The following CPPED1 variants were observed in gnomAD, a reference collection of about 807,000 sequenced individuals.
The protein encoded by CPPED1 is serine/threonine-protein phosphatase CPPED1.
A neutral mutation model predicts 28.0 loss-of-function variants in CPPED1; 28 were observed. The observed-to-expected ratio is 1.00, with a 90% CI of 0.74 to 1.37. The LOEUF is 1.37. Ranked by LOEUF, CPPED1 falls within the 40% of genes most tolerant of loss-of-function variation. The pLI is 0.00. For missense variants in CPPED1, 504 were observed against 416.5 expected, an observed-to-expected ratio of 1.21 and a Z score of -1.83; for synonymous variants, 198 against 180.2, an observed-to-expected ratio of 1.10 and a Z score of -0.79.
chr16:12,694,056 A>T (rs1432092479), intron 3 of CPPED1, among the ~76,000 whole-genome samples: 1 of 152,116 alleles, frequency 6.6e-6, no homozygotes, highest in Non-Finnish European at 1.5e-5. Flanking sequence ...AAATACAAAA[A>T]TTAGCCAAGT....
At chr16:12,789,260 C>G (rs2080582011) in intron 1 of CPPED1, among the ~76,000 whole-genome samples, 1 of 152,158 alleles carries the variant, frequency 6.6e-6, no homozygotes, top group Admixed American at 6.5e-5. Context: ...CTGCTGTTGG[C>G]ATCTGCAATG....
intron 2 of CPPED1, among the ~76,000 whole-genome samples, chr16:12,714,436 ATCC>A (rs2080096541): frequency 6.6e-6 from 1 of 152,230 alleles, no homozygotes; most frequent in African/African-American, 2.4e-5. Context: ...ATGTTTCCAC[ATCC>A]TCAACACTTG....
chr16:12,667,145 C>T (rs1596436795), intron 3 of CPPED1, among the ~76,000 whole-genome samples: 1 of 152,064 alleles, frequency 6.6e-6, no homozygotes, highest in African/African-American at 2.4e-5. Flanking sequence ...ACAAAAAAAA[C>T]ACCCCTTACT....
At chr16:12,728,233 TAA>T (rs1256147872) in intron 2 of CPPED1, among the ~76,000 whole-genome samples, 1 of 152,044 alleles carries the variant, frequency 6.6e-6, no homozygotes, top group Non-Finnish European at 1.5e-5. Context: ...GAATTCAGTG[TAA>T]GAGAGGGGAG....
At chr16:12,722,130 C>G (rs2080144436) in intron 2 of CPPED1, among the ~76,000 whole-genome samples, 2 of 152,212 alleles carry the variant, frequency 1.3e-5, no homozygotes, top group African/African-American at 2.4e-5. Context: ...ATGATACACT[C>G]AGCCACTGCT....
chr16:12,739,417 T>C (rs2080242945), intron 2 of CPPED1, among the ~76,000 whole-genome samples: 1 of 152,050 alleles, frequency 6.6e-6, no homozygotes, highest in East Asian at 1.9e-4. Flanking sequence ...CTGTCTCTAC[T>C]AAAAATACAA....
rs1034631750 is a variant in CPPED1 at position 12,662,768 on chromosome 16, A to C, written c.*2118T>G. ...TATGTATACATACCACATGTTCTTT[A>C]TCCAATCATCTGTTGATGTGATTCC... is the stretch of plus-strand genomic sequence containing the variant. On this transcript the variant is annotated 3_prime_UTR_variant, in exon 4 of 4. Coordinates refer to ENST00000381774, the MANE Select transcript of CPPED1 (RefSeq NM_018340.3). 16 of 152,168 alleles carry C rather than the reference A, an allele frequency of 1.1e-4. No individual in the cohort carries two copies. The highest frequency in any genetic ancestry group is 3.9e-4 in the African/African-American group (16 of 41,442). 9.4% of individuals were successfully genotyped at this position (152,168 alleles called of 1,614,324 possible). A position where few individuals can be genotyped will look rare whatever the true frequency, so the allele number is the denominator to read the frequency against.
At chr16:12,699,974 C>T (rs1390785863) in intron 3 of CPPED1, among the ~76,000 whole-genome samples, 6 of 152,174 alleles carry the variant, frequency 3.9e-5, no homozygotes, top group Admixed American at 6.6e-5. Context: ...GTCATGGATG[C>T]GTACAGCCAA....
rs187970888 is a variant in CPPED1 at position 12,701,272 on chromosome 16, G to A, written c.715+3352C>T. ...AGGCCGGGTGTGGTGGCTCACACCCGTAATTCCAGCACTTTGGGAGGCTGA... is the reference window on the plus strand; with the variant it reads ...AGGCCGGGTGTGGTGGCTCACACCCATAATTCCAGCACTTTGGGAGGCTGA... On this transcript the variant is annotated intron_variant, in intron 3 of 3. Coordinates refer to ENST00000381774, the MANE Select transcript of CPPED1 (RefSeq NM_018340.3). 2.0e-5 allele frequency among the ~76,000 whole-genome samples: 3 copies of A among 152,106 alleles called. No individual in the cohort carries two copies. The East Asian group carries it at 5.8e-4, about 29-fold the overall frequency.
intron 2 of CPPED1, among the ~76,000 whole-genome samples, chr16:12,759,061 G>A (rs1159160314): frequency 6.7e-6 from 1 of 150,368 alleles, no homozygotes; most frequent in African/African-American, 2.4e-5. Flanking sequence ...TACTCAGGGG[G>A]CTAGGGTAGC....
At chr16:12,674,186 GA>G (rs917203514) in intron 3 of CPPED1, among the ~76,000 whole-genome samples, 3 of 152,128 alleles carry the variant, frequency 2.0e-5, no homozygotes, top group Non-Finnish European at 4.4e-5. Flanking sequence ...GGTCCTGCAT[GA>G]AAAAAATGAA....
In CPPED1 at chr16:12,663,806, T is replaced by C. The variant is rs2079809991; in HGVS notation, c.*1080A>G. The C allele has an allele frequency of 6.6e-6, 1 of 152,196 alleles. No individual in the cohort carries two copies. Among genetic ancestry groups the C allele is most frequent in the Admixed American group, 6.5e-5 (1 of 15,280 alleles). The allele number at this position is 152,196 out of a possible 1,614,324, so 9.4% of individuals were successfully genotyped here. ...GTTATTTGTCCACCAGAACAATGGCTGTAAAGGAGAAAATTGAGCAGTGGT... is the reference window on the plus strand; with the variant it reads ...GTTATTTGTCCACCAGAACAATGGCCGTAAAGGAGAAAATTGAGCAGTGGT... On this transcript the variant is annotated 3_prime_UTR_variant, in exon 4 of 4. Transcript: ENST00000381774.
intron 2 of CPPED1, among the ~76,000 whole-genome samples, chr16:12,775,317 G>A (rs2080491517): frequency 6.6e-6 from 1 of 152,128 alleles, no homozygotes; most frequent in South Asian, 2.1e-4. Flanking sequence ...AAACGACCCA[G>A]TTCCAGATAT....
At chr16:12,692,798 T>C (rs1255103818) in intron 3 of CPPED1, among the ~76,000 whole-genome samples, 3 of 151,832 alleles carry the variant, frequency 2.0e-5, no homozygotes, top group Non-Finnish European at 4.4e-5. Context: ...CATGGAGGAG[T>C]GAGATCAGAG....
intron 2 of CPPED1, among the ~76,000 whole-genome samples, chr16:12,713,589 G>C (rs373696680): frequency 1.4e-4 from 22 of 152,158 alleles, no homozygotes; most frequent in African/African-American, 5.1e-4. Context: ...TTGAACTCCT[G>C]ATCTCAGGTG....
At chr16:12,675,679 G>A (rs1051702428) in intron 3 of CPPED1, among the ~76,000 whole-genome samples, 1 of 152,170 alleles carries the variant, frequency 6.6e-6, no homozygotes, top group African/African-American at 2.4e-5. Context: ...ATTCCAACTG[G>A]ACAGCCTTTA....
chr16:12,688,277 G>T (rs1441591951), intron 3 of CPPED1, among the ~76,000 whole-genome samples: 1 of 148,606 alleles, frequency 6.7e-6, no homozygotes, highest in Non-Finnish European at 1.5e-5. Flanking sequence ...TATGGGGAGA[G>T]AAATTTAAGT....
chr16:12,711,492 T>C (rs907204682), intron 2 of CPPED1, among the ~76,000 whole-genome samples: 2 of 152,180 alleles, frequency 1.3e-5, no homozygotes, highest in Admixed American at 1.3e-4. Context: ...ACATGTAACG[T>C]TACGTATATT....
intron 1 of CPPED1, among the ~76,000 whole-genome samples, chr16:12,791,950 C>A (rs990387544): frequency 2.6e-5 from 4 of 151,196 alleles, no homozygotes; most frequent in Non-Finnish European, 4.4e-5. Flanking sequence ...GTTCTTCCAG[C>A]GGTATCTTTT....
Sources: allele counts gnomAD v4.1 joint callset (sites outside exome capture counted in the v4.1 genomes callset), GRCh38; gene constraint gnomAD v4.1.1; transcripts MANE v1.5; gene names NCBI Gene and HGNC (gene_info 2026-07-23, HGNC 2026-07-21).